GPD2: variants seen among roughly 807,000 people sequenced by gnomAD.
The protein encoded by GPD2 is glycerol-3-phosphate dehydrogenase 2, also known as glycerol-3-phosphate dehydrogenase, mitochondrial.
Under a neutral mutation model 82.4 loss-of-function variants are expected in GPD2, and 54 were observed. That is an observed-to-expected ratio of 0.66 (90% CI 0.53 to 0.82). The LOEUF is 0.82. GPD2 is among the 40% of genes least tolerant of loss of function. The pLI, the probability that GPD2 is intolerant of heterozygous loss-of-function variation, is 0.00. For missense variants in GPD2, 748 were observed against 896.2 expected (o/e 0.83, Z 2.11); for synonymous variants, 288 against 306.1 (o/e 0.94, Z 0.62).
At chr2:156,559,246 G>T (rs959945409) in intron 9 of GPD2, among the ~76,000 whole-genome samples, 4 of 151,936 alleles carry the variant, frequency 2.6e-5, no homozygotes, top group African/African-American at 9.7e-5. Flanking sequence ...GCTCCTTGAG[G>T]GTAAAGATTC....
intron 2 of GPD2, among the ~76,000 whole-genome samples, chr2:156,482,965 T>G (rs1203778055): frequency 6.6e-6 from 1 of 152,070 alleles, no homozygotes; most frequent in Non-Finnish European, 1.5e-5. Context: ...AGCAGGAATT[T>G]TGAGAACGTT....
intron 16 of GPD2, among the ~76,000 whole-genome samples, chr2:156,582,479 G>T: frequency 1.1e-5 from 1 of 92,562 alleles, no homozygotes; most frequent in Non-Finnish European, 2.0e-5. Context: ...AATATTTGAA[G>T]TTGCTAAAAA....
At chr2:156,581,158 G>A (rs1688010117) in intron 16 of GPD2, among the ~76,000 whole-genome samples, 1 of 151,928 alleles carries the variant, frequency 6.6e-6, no homozygotes, top group Admixed American at 6.6e-5. Flanking sequence ...AGGTTTTCTT[G>A]TAGAGTTTTT....
At chr2:156,571,069 A>G (rs1687594294) in intron 12 of GPD2, 65 bp from the exon 13 acceptor site, 2 of 1,048,378 alleles carry the variant, frequency 1.9e-6, no homozygotes, top group African/African-American at 3.1e-5. Context: ...TTTTTAAGTG[A>G]AGCTTTATTT....
In GPD2 at chr2:156,476,217, T is replaced by A. The variant is rs1459432045; in HGVS notation, c.102+10T>A. ...TTACAGAAGGAAACAAGTAAGTAACTGTACTTGTGTTGATTACAGTATGCA... is the reference window on the plus strand; with the variant it reads ...TTACAGAAGGAAACAAGTAAGTAACAGTACTTGTGTTGATTACAGTATGCA... On this transcript the variant is annotated intron_variant, in intron 2 of 16. Coordinates refer to ENST00000438166, the MANE Select transcript of GPD2 (RefSeq NM_000408.5). 1 of 1,393,166 alleles carries A rather than the reference T, an allele frequency of 7.2e-7. No homozygotes were observed. Among genetic ancestry groups the A allele is most frequent in the African/African-American group, 1.4e-5 (1 of 70,764 alleles). The allele number at this position is 1,393,166 out of a possible 1,614,324, so 86.3% of individuals were successfully genotyped here. A position where few individuals can be genotyped will look rare whatever the true frequency, so the allele number is the denominator to read the frequency against.
At chr2:156,401,166 A>G in the GPD2 span, among the ~76,000 whole-genome samples, 1 of 152,102 alleles carries the variant, frequency 6.6e-6, no homozygotes. Context: ...CGGGAATCGA[A>G]CCCGGGCCTC....
the GPD2 span, among the ~76,000 whole-genome samples, chr2:156,401,154 G>A: frequency 3.9e-5 from 6 of 151,968 alleles, no homozygotes; most frequent in Non-Finnish European, 8.8e-5. Context: ...ACTTGCATTG[G>A]CCGGGAATCG....
chr2:156,541,824 G>GTTTTTTTTT lies in GPD2; in HGVS notation c.662-7770_662-7762dup, dbSNP rs61067726. 2.9e-3 allele frequency among the ~76,000 whole-genome samples: 240 copies of GTTTTTTTTT among 81,402 alleles called. 16 individuals carry two copies. The highest frequency in any genetic ancestry group is 5.8e-3 in the East Asian group (14 of 2,430). The allele number at this position is 81,402 out of a possible 152,430, so 53.4% of individuals were successfully genotyped here. ...TCCTTAAACGTATAAAATGCTGTTTGTTTTTTTTTTTTTTTTTTTTTTGGC... is the reference window on the plus strand; with the variant it reads ...TCCTTAAACGTATAAAATGCTGTTTGTTTTTTTTTTTTTTTTTTTTTTTTTTTTTTTGGC... On this transcript the variant is annotated intron_variant, in intron 6 of 16. Coordinates refer to ENST00000438166, the MANE Select transcript of GPD2 (RefSeq NM_000408.5).
At chr2:156,444,271 C>G (rs192785681) in intron 1 of GPD2, among the ~76,000 whole-genome samples, 1 of 152,246 alleles carries the variant, frequency 6.6e-6, no homozygotes, top group East Asian at 1.9e-4. Flanking sequence ...TAGAGGCTGC[C>G]ACATTCCTTT....
At chr2:156,485,185 T>C (rs1469772554) in intron 2 of GPD2, among the ~76,000 whole-genome samples, 1 of 152,228 alleles carries the variant, frequency 6.6e-6, no homozygotes, top group African/African-American at 2.4e-5. Flanking sequence ...TTTCCATATC[T>C]TGGCTGTTGT....
At chr2:156,553,992 A>G (rs574303335) in intron 8 of GPD2, among the ~76,000 whole-genome samples, 1 of 152,276 alleles carries the variant, frequency 6.6e-6, no homozygotes, top group South Asian at 2.1e-4. Context: ...TATAACCACT[A>G]CACATCCTGT....
At chr2:156,563,854 G>A (rs1212876334) in intron 9 of GPD2, among the ~76,000 whole-genome samples, 1 of 152,086 alleles carries the variant, frequency 6.6e-6, no homozygotes, top group African/African-American at 2.4e-5. Context: ...GCCACTTGTA[G>A]TTATTTAAAT....
At chr2:156,413,680 G>A in the GPD2 span, among the ~76,000 whole-genome samples, 10 of 152,178 alleles carry the variant, frequency 6.6e-5, no homozygotes, top group Admixed American at 1.3e-4. Flanking sequence ...AGAGGTGGGC[G>A]GATCACCTAA....
At chr2:156,541,820 GTTTGTTTTT>G (rs1328260150) in intron 6 of GPD2, among the ~76,000 whole-genome samples, 1 of 33,704 alleles carries the variant, frequency 3.0e-5, no homozygotes, top group African/African-American at 1.1e-4. Flanking sequence ...ATAAAATGCT[GTTTGTTTTT>G]TTTTTTTTTT....
the GPD2 span, among the ~76,000 whole-genome samples, chr2:156,407,774 C>T: frequency 6.6e-6 from 1 of 151,984 alleles, no homozygotes; most frequent in Non-Finnish European, 1.5e-5. Context: ...AGGATAAATT[C>T]CTGGGAGAAA....
chr2:156,479,662 A>G (rs1683649515), intron 2 of GPD2, among the ~76,000 whole-genome samples: 1 of 152,142 alleles, frequency 6.6e-6, no homozygotes, highest in Non-Finnish European at 1.5e-5. Context: ...GAAGTTGATG[A>G]GGAAAGGAGA....
At chr2:156,441,835 GT>G (rs1209985239) in intron 1 of GPD2, among the ~76,000 whole-genome samples, 1 of 152,128 alleles carries the variant, frequency 6.6e-6, no homozygotes, top group African/African-American at 2.4e-5. Context: ...TAGACAGAGA[GT>G]TTCTTGGTGT....
chr2:156,535,709 A>C (rs1686053552), intron 6 of GPD2, among the ~76,000 whole-genome samples: 4 of 152,168 alleles, frequency 2.6e-5, no homozygotes, highest in Admixed American at 6.5e-5. Flanking sequence ...ATTCTGTTTT[A>C]AGAATAATCT....
intron 13 of GPD2, among the ~76,000 whole-genome samples, chr2:156,578,061 T>G (rs928646700): frequency 4.6e-5 from 7 of 152,188 alleles, no homozygotes; most frequent in African/African-American, 1.4e-4. Context: ...GAAAGAGATT[T>G]GTGAACAATA....
Sources: allele counts gnomAD v4.1 joint callset (sites outside exome capture counted in the v4.1 genomes callset), GRCh38; gene constraint gnomAD v4.1.1; transcripts MANE v1.5; gene names NCBI Gene and HGNC (gene_info 2026-07-23, HGNC 2026-07-21).